Variants in TMEFF2 observed in about 807,000 individuals in gnomAD.
TMEFF2 encodes the protein transmembrane protein with EGF like and two follistatin like domains 2, also known as tomoregulin-2.
TMEFF2 carries 28 observed loss-of-function variants against 53.8 expected under a neutral mutation model. The observed-to-expected ratio is 0.52, with a 90% CI of 0.39 to 0.71. TMEFF2 has a LOEUF of 0.71. TMEFF2 is among the 30% of genes least tolerant of loss of function. The pLI, the probability that TMEFF2 is intolerant of heterozygous loss-of-function variation, is 0.00. For synonymous variants in TMEFF2, 162 were observed against 166.3 expected, an observed-to-expected ratio of 0.97 and a Z score of 0.20; for missense variants, 353 against 455.2, an observed-to-expected ratio of 0.78 and a Z score of 2.04.
intron 5 of TMEFF2, among the ~76,000 whole-genome samples, chr2:192,045,073 T>G (rs947998279): frequency 6.6e-6 from 1 of 152,196 alleles, no homozygotes; most frequent in Non-Finnish European, 1.5e-5. Context: ...CCTGCTTCTG[T>G]GGCCTCACAG....
chr2:191,950,597 A>G (rs10170778), intron 9 of TMEFF2, 190 bp from the exon 10 acceptor site: 213,878 of 814,150 alleles, frequency 0.26, 29,986 homozygotes, highest in Non-Finnish European at 0.29. Context: ...TTGTCTTTAA[A>G]TTTTTGTTGG....
At chr2:192,184,233 A>G (rs192091646) in intron 3 of TMEFF2, 121 bp downstream of exon 3, 3 of 1,266,002 alleles carry the variant, frequency 2.4e-6, no homozygotes, top group Non-Finnish European at 1.1e-6. Flanking sequence ...GAACAAAACA[A>G]TACGGCTTGT....
chr2:192,133,694 G>C lies in TMEFF2; in HGVS notation c.439+45974C>G, dbSNP rs986007023. On this transcript the variant is annotated intron_variant, in intron 4 of 9. Coordinates refer to ENST00000272771, the MANE Select transcript of TMEFF2 (RefSeq NM_016192.4). ...TGCTTTCTTTACTACTCCTTTGCAC[G>C]GGTCATCCCAGCCTCTCTTCGCTTT... Among the ~76,000 whole-genome samples the C allele has an allele frequency of 3.9e-5, 6 of 152,022 alleles. No individual in the cohort carries two copies. The South Asian group carries it at 6.2e-4, about 16-fold the overall frequency.
intron 4 of TMEFF2, among the ~76,000 whole-genome samples, chr2:192,153,317 T>C (rs1690431736): frequency 6.6e-6 from 1 of 151,888 alleles, no homozygotes; most frequent in Non-Finnish European, 1.5e-5. Context: ...TTAAAAATTA[T>C]GGATTTATAA....
chr2:192,183,325 C>A (rs1011258983), intron 3 of TMEFF2, among the ~76,000 whole-genome samples: 4 of 151,960 alleles, frequency 2.6e-5, no homozygotes, highest in Non-Finnish European at 4.4e-5. Context: ...AGGCTTTTCT[C>A]TTTGCTCATT....
At chr2:192,148,270 T>C (rs1207306421) in intron 4 of TMEFF2, among the ~76,000 whole-genome samples, 1 of 152,050 alleles carries the variant, frequency 6.6e-6, no homozygotes, top group Non-Finnish European at 1.5e-5. Flanking sequence ...TGTTCAAATA[T>C]AACATGCATT....
intron 5 of TMEFF2, among the ~76,000 whole-genome samples, chr2:192,038,638 T>C (rs982711164): frequency 3.9e-5 from 6 of 151,984 alleles, no homozygotes; most frequent in African/African-American, 1.5e-4. Flanking sequence ...ACTACAGATG[T>C]CCACCACCAT....
chr2:192,039,548 TA>T (rs1687422559), intron 5 of TMEFF2, among the ~76,000 whole-genome samples: 2 of 152,318 alleles, frequency 1.3e-5, no homozygotes, highest in East Asian at 1.9e-4. Context: ...TTCTTAGTAG[TA>T]AAATAAAATA....
rs373458694 is a variant in TMEFF2 at position 192,059,278 on chromosome 2, AAAG to A, written c.440-1506_440-1504del. Among the ~76,000 whole-genome samples, 23 of 152,154 alleles carry A rather than the reference AAAG, an allele frequency of 1.5e-4. No individual in the cohort carries two copies. The East Asian group carries it at 3.9e-3, about 26-fold the overall frequency. On this transcript the variant is annotated intron_variant, in intron 4 of 9. Transcript: ENST00000272771. ...CAATTTGGATGTCTTAAAAAAAAAA[AAAG>A]GTGTCCTCCCCAAAAAGAAGAAGGA...
intron 4 of TMEFF2, among the ~76,000 whole-genome samples, chr2:192,148,679 A>C (rs1037616977): frequency 6.6e-6 from 1 of 152,036 alleles, no homozygotes; most frequent in Non-Finnish European, 1.5e-5. Flanking sequence ...GTTTTGTTCC[A>C]AGGCATTACA....
In TMEFF2 at chr2:192,057,630, A is replaced by G. The variant is rs190042525; in HGVS notation, c.536+49T>C. The G allele has an allele frequency of 1.3e-4, 193 of 1,482,796 alleles. 1 individual carries two copies. The East Asian group carries it at 4.2e-3, about 32-fold the overall frequency. The allele number at this position is 1,482,796 out of a possible 1,614,324, so 91.9% of individuals were successfully genotyped here. ...GAATGGTTGATGGTGTTAAAAAGAA[A>G]TTAATCACTGTCATTATTTTGTCTA... On this transcript the variant is annotated intron_variant, in intron 5 of 9. Transcript: ENST00000272771.
intron 5 of TMEFF2, chr2:192,029,103 C>G (rs565105558): frequency 1.4e-5 from 1 of 72,448 alleles, no homozygotes; most frequent in South Asian, 7.1e-4. Context: ...AATACTCTGG[C>G]ATCCACCTCT....
intron 4 of TMEFF2, among the ~76,000 whole-genome samples, chr2:192,154,308 G>A (rs941619584): frequency 6.6e-6 from 1 of 152,008 alleles, no homozygotes; most frequent in African/African-American, 2.4e-5. Context: ...GGGTTGGTGT[G>A]TGATAGAGCT....
At chr2:192,013,891 T>C (rs1686690103) in intron 5 of TMEFF2, among the ~76,000 whole-genome samples, 1 of 152,206 alleles carries the variant, frequency 6.6e-6, no homozygotes, top group Non-Finnish European at 1.5e-5. Context: ...TCAATAAATA[T>C]TTGTTGAAAA....
chr2:192,156,876 T>G (rs1690518183), intron 4 of TMEFF2, among the ~76,000 whole-genome samples: 1 of 152,024 alleles, frequency 6.6e-6, no homozygotes, highest in East Asian at 1.9e-4. Flanking sequence ...AACTGTTCCT[T>G]TTAGAGATGA....
At chr2:191,966,538 A>G (rs1471258894) in intron 7 of TMEFF2, among the ~76,000 whole-genome samples, 2 of 152,204 alleles carry the variant, frequency 1.3e-5, no homozygotes, top group Non-Finnish European at 2.9e-5. Context: ...TTCTGAATTA[A>G]CAGATTCTAA....
At chr2:192,136,815 A>C (rs1690018961) in intron 4 of TMEFF2, among the ~76,000 whole-genome samples, 1 of 152,212 alleles carries the variant, frequency 6.6e-6, no homozygotes, top group African/African-American at 2.4e-5. Context: ...AACTAAAGAT[A>C]AACAACTAAC....
At chr2:191,997,448 ACT>A (rs968780642) in intron 7 of TMEFF2, among the ~76,000 whole-genome samples, 3 of 151,556 alleles carry the variant, frequency 2.0e-5, no homozygotes, top group Non-Finnish European at 3.0e-5. Flanking sequence ...ACAAGAAACA[ACT>A]CTTTTTGATT....
At chr2:191,980,196 T>A (rs1685822067) in intron 7 of TMEFF2, among the ~76,000 whole-genome samples, 1 of 152,142 alleles carries the variant, frequency 6.6e-6, no homozygotes, top group Non-Finnish European at 1.5e-5. Context: ...CATAAATACA[T>A]AAATAAATCT....
Sources: allele counts gnomAD v4.1 joint callset (sites outside exome capture counted in the v4.1 genomes callset), GRCh38; gene constraint gnomAD v4.1.1; transcripts MANE v1.5; gene names NCBI Gene and HGNC (gene_info 2026-07-23, HGNC 2026-07-21).